Variants in WDFY3 observed in about 807,000 individuals in gnomAD.
The protein encoded by WDFY3 is WD repeat and FYVE domain-containing protein 3.
A neutral mutation model predicts 409.6 loss-of-function variants in WDFY3; 66 were observed. That is an observed-to-expected ratio of 0.16 (90% CI 0.13 to 0.20). WDFY3 has a LOEUF of 0.20. WDFY3 is among the 10% of genes least tolerant of loss of function. The pLI is 1.00. For missense variants in WDFY3, 3,031 were observed against 4,298.1 expected (o/e 0.71, Z 8.24); for synonymous variants, 1,521 against 1,537.1 (o/e 0.99, Z 0.25).
At chr4:84,711,596 T>C (rs1732902295) in intron 51 of WDFY3, among the ~76,000 whole-genome samples, 2 of 152,152 alleles carry the variant, frequency 1.3e-5, no homozygotes, top group Non-Finnish European at 2.9e-5. Flanking sequence ...CTCATGCCTG[T>C]AATTCCAGCA....
chr4:84,702,071 G>T (rs1477398038), intron 56 of WDFY3, among the ~76,000 whole-genome samples: 1 of 152,086 alleles, frequency 6.6e-6, no homozygotes, highest in Admixed American at 6.5e-5. Context: ...TGCAGTTCAC[G>T]ATCTCAGCTC....
chr4:84,678,363 A>C (rs1483683416), intron 65 of WDFY3, 84 bp from the exon 66 acceptor site: 1 of 991,222 alleles, frequency 1.0e-6, no homozygotes, highest in African/African-American at 1.6e-5. Context: ...TGGTGGCCTT[A>C]AACTTAGGGT....
intron 62 of WDFY3, among the ~76,000 whole-genome samples, chr4:84,684,930 T>C (rs1728037217): frequency 1.3e-5 from 2 of 152,228 alleles, no homozygotes; most frequent in South Asian, 4.1e-4. Flanking sequence ...AGACTTCAGA[T>C]GTTCTAGTTA....
chr4:84,952,071 T>C (rs1359852759), intron 1 of WDFY3, among the ~76,000 whole-genome samples: 1 of 152,150 alleles, frequency 6.6e-6, no homozygotes, highest in Non-Finnish European at 1.5e-5. Flanking sequence ...AGAAAAGCAA[T>C]GCAGTACAAC....
chr4:84,839,360 A>T (rs1164252968), intron 6 of WDFY3, among the ~76,000 whole-genome samples: 1 of 152,162 alleles, frequency 6.6e-6, no homozygotes, highest in Non-Finnish European at 1.5e-5. Flanking sequence ...AACAGAACTG[A>T]GATTTTGTTA....
chr4:84,726,798 A>AC, intron 45 of WDFY3, 63 bp downstream of exon 45: 2 of 1,505,734 alleles, frequency 1.3e-6, no homozygotes, highest in Non-Finnish European at 1.8e-6. Flanking sequence ...TAAAAAAAAA[A>AC]CCAGAAAACA....
intron 30 of WDFY3, among the ~76,000 whole-genome samples, chr4:84,770,426 A>T (rs1344817967): frequency 3.3e-5 from 5 of 152,180 alleles, no homozygotes; most frequent in Non-Finnish European, 7.3e-5. Flanking sequence ...AAACCAAAAA[A>T]TTTATGTGAC....
intron 21 of WDFY3, among the ~76,000 whole-genome samples, chr4:84,790,888 A>G (rs549300974): frequency 6.6e-6 from 1 of 152,214 alleles, no homozygotes; most frequent in Admixed American, 6.5e-5. Flanking sequence ...GGAAATGCAA[A>G]CCATAAGCAC....
chr4:84,687,536 C>T (rs563567286), intron 62 of WDFY3, among the ~76,000 whole-genome samples: 4 of 152,218 alleles, frequency 2.6e-5, no homozygotes, highest in Admixed American at 1.3e-4. Context: ...AAATTTTGTT[C>T]TCTCTACTGC....
intron 30 of WDFY3, among the ~76,000 whole-genome samples, chr4:84,767,140 C>A (rs1311779087): frequency 6.6e-6 from 1 of 151,900 alleles, no homozygotes; most frequent in Non-Finnish European, 1.5e-5. Flanking sequence ...CATGTGCTCA[C>A]TTCATGTCTC....
At chr4:84,927,541 A>C (rs2150925698) in intron 2 of WDFY3, among the ~76,000 whole-genome samples, 1 of 152,226 alleles carries the variant, frequency 6.6e-6, no homozygotes. Flanking sequence ...TTGTGTCCCC[A>C]CCCAAATTTC....
chr4:84,710,643 C>A (rs1343230109), intron 51 of WDFY3, among the ~76,000 whole-genome samples: 1 of 152,178 alleles, frequency 6.6e-6, no homozygotes, highest in Admixed American at 6.5e-5. Context: ...GATCACTCTT[C>A]AACATCGTAA....
intron 43 of WDFY3, 103 bp from the exon 44 acceptor site, chr4:84,733,712 A>C: frequency 9.5e-7 from 1 of 1,056,574 alleles, no homozygotes; most frequent in Non-Finnish European, 1.4e-6. Context: ...AACAAACACA[A>C]TCCACACCAT....
chr4:84,893,526 T>C (rs2150532889), intron 3 of WDFY3, among the ~76,000 whole-genome samples: 1 of 152,350 alleles, frequency 6.6e-6, no homozygotes, highest in South Asian at 2.1e-4. Flanking sequence ...TACTCAGCCA[T>C]TTTGAATGGA....
chr4:84,920,418 C>G (rs181702616), intron 2 of WDFY3, among the ~76,000 whole-genome samples: 2 of 152,238 alleles, frequency 1.3e-5, no homozygotes, highest in African/African-American at 4.8e-5. Context: ...ATGTAACTCT[C>G]AAATGGCTAA....
chr4:84,692,988 G>A lies in WDFY3; in HGVS notation c.8946C>T (p.Leu2982=), dbSNP rs1439322723. The A allele has an allele frequency of 3.1e-6, 5 of 1,611,996 alleles. No homozygotes were observed. The South Asian group carries it at 5.5e-5, about 18-fold the overall frequency. The change falls in exon 59 of 68, where the codon CTC becomes CTT. Residue 2982 remains leucine (L), a synonymous_variant. Transcript: ENST00000295888. ...PHPPKRVRSR[L]NGDNAGISVL... ...CAGAGATTCCTGCATTGTCTCCATT[G>A]AGTCGACTTCTCACTCGCTTTGGTG...
intron 62 of WDFY3, 88 bp from the exon 63 acceptor site, chr4:84,684,213 C>T: frequency 7.5e-7 from 1 of 1,325,408 alleles, no homozygotes; most frequent in African/African-American, 1.5e-5. Context: ...TGGCCTAGTT[C>T]TCAGAAAGCC....
rs752415123 is a variant in WDFY3 at position 84,817,497 on chromosome 4, T to C, written c.1782A>G (p.Gln594=). Residue 594 remains glutamine, a synonymous_variant, in exon 13 of 68, where the codon CAA becomes CAG. Transcript: ENST00000295888. ...CCCCATTTGGGGAGAGCACCAGCTG[T>C]TGGATAGTCATCAAGGCATGCTGCC... The part of the protein sequence containing the change: ...QCRQHALMTI[Q]QLVLSPNGDD... 5.6e-6 allele frequency: 9 copies of C among 1,613,704 alleles called. No homozygotes were observed. Among genetic ancestry groups the C allele is most frequent in the African/African-American group, 1.3e-5 (1 of 74,876 alleles).
chr4:84,726,251 G>T (rs1448132809), intron 45 of WDFY3, among the ~76,000 whole-genome samples: 2 of 151,952 alleles, frequency 1.3e-5, no homozygotes, highest in African/African-American at 2.4e-5. Flanking sequence ...TGACCTAAAA[G>T]AATTTTTTTC....
Sources: allele counts gnomAD v4.1 joint callset (sites outside exome capture counted in the v4.1 genomes callset), GRCh38; gene constraint gnomAD v4.1.1; transcripts MANE v1.5; gene names NCBI Gene and HGNC (gene_info 2026-07-23, HGNC 2026-07-21).